The following ZBP1 variants were observed in gnomAD, a reference collection of about 807,000 sequenced individuals.
ZBP1 encodes the protein Z-DNA binding protein 1, also known as Z-DNA-binding protein 1.
ZBP1 carries 42 observed loss-of-function variants against 41.1 expected under a neutral mutation model. The observed-to-expected ratio is 1.02, with a 90% CI of 0.80 to 1.32. The LOEUF is 1.32. Among genes scored for constraint, ZBP1 ranks in the 40% most tolerant of loss-of-function variants. ZBP1 has a pLI of 0.00. For synonymous variants in ZBP1, 214 were observed against 205.2 expected (o/e 1.04, Z -0.37); for missense variants, 562 against 549.7 (o/e 1.02, Z -0.22).
Position 57,611,873 on chromosome 20 carries a change from C to G in ZBP1, c.728G>C (p.Gly243Ala), listed in dbSNP as rs1380547825. Residue 243 changes from glycine (G) to alanine (A), a missense_variant, in exon 6 of 8, where the codon GGG (glycine) becomes GCG (alanine). Physicochemically the swap from Gly to Ala is moderately conservative, Grantham distance 60 (BLOSUM62 0). Coordinates refer to ENST00000371173, the MANE Select transcript of ZBP1 (RefSeq NM_030776.3). Reference protein sequence around the residue: ...SMAPGDSSTWGTLVDPWGPQD... With the variant: ...SMAPGDSSTWATLVDPWGPQD... The stretch of plus-strand genomic sequence containing the variant: ...GGGCCCCCAGGGATCAACTAGGGTC[C>G]CCCAAGTTGAGGAATCACCTGGTGC... 9.5e-6 allele frequency: 15 copies of G among 1,580,872 alleles called. No individual in the cohort carries two copies. Among genetic ancestry groups the G allele is most frequent in the Non-Finnish European group, 1.3e-5 (15 of 1,163,068 alleles).
At chr20:57,616,068 A>T in intron 2 of ZBP1, 176 bp downstream of exon 2, 1 of 661,794 alleles carries the variant, frequency 1.5e-6, no homozygotes, top group Non-Finnish European at 2.6e-6. Flanking sequence ...AACCCCTACC[A>T]AGCAGCCCTG....
chr20:57,606,768 A>G (rs1311882732), intron 7 of ZBP1, among the ~76,000 whole-genome samples: 3 of 152,234 alleles, frequency 2.0e-5, no homozygotes, highest in African/African-American at 7.2e-5. Flanking sequence ...GCACCTGTAT[A>G]TAGCTTGGTT....
intron 3 of ZBP1, 85 bp downstream of exon 3, chr20:57,615,427 G>C: frequency 2.1e-6 from 3 of 1,449,092 alleles, no homozygotes; most frequent in Non-Finnish European, 2.9e-6. Flanking sequence ...ACACTGGTGA[G>C]ATCTTGTACC....
In ZBP1 at chr20:57,610,020, G is replaced by T. The variant is rs994274928; in HGVS notation, c.1093+129C>A. 1.9e-6 allele frequency: 2 copies of T among 1,044,838 alleles called. No homozygotes were observed. The highest frequency in any genetic ancestry group is 2.1e-5 in the Admixed American group (1 of 46,788). The allele number at this position is 1,044,838 out of a possible 1,614,324, so 64.7% of individuals were successfully genotyped here. A position where few individuals can be genotyped will look rare whatever the true frequency, so the allele number is the denominator to read the frequency against. ...TCTAGAGCTGCTGCTCCTCGCTGTG[G>T]GTGGGCACAGCCTCCAGACTCCGGG... On this transcript the variant is annotated intron_variant, in intron 7 of 7. Transcript: ENST00000371173. The surrounding 1 kb of genome is among the most constrained non-coding windows in gnomAD (Gnocchi z 5.5).
chr20:57,607,176 C>T (rs945211242), intron 7 of ZBP1: 12 of 1,304,012 alleles, frequency 9.2e-6, no homozygotes, highest in South Asian at 1.2e-5. Context: ...ATCTACATGC[C>T]GTTAAGAACA....
intron 2 of ZBP1, 24 bp from the exon 3 acceptor site, chr20:57,615,604 A>T (rs1346578078): frequency 6.2e-7 from 1 of 1,607,154 alleles, no homozygotes; most frequent in Non-Finnish European, 8.5e-7. Context: ...GATGGGTCAG[A>T]GGGGTGGGGG....
chr20:57,613,396 T>C lies in ZBP1; in HGVS notation c.503-66A>G. 6.5e-7 allele frequency: 1 copy of C among 1,532,638 alleles called. No homozygotes were observed. Among genetic ancestry groups the C allele is most frequent in the Non-Finnish European group, 8.9e-7 (1 of 1,128,290 alleles). 94.9% of individuals were successfully genotyped at this position (1,532,638 alleles called of 1,614,324 possible). A position where few individuals can be genotyped will look rare whatever the true frequency, so the allele number is the denominator to read the frequency against. On this transcript the variant is annotated intron_variant, in intron 4 of 7. Coordinates refer to ENST00000371173, the MANE Select transcript of ZBP1 (RefSeq NM_030776.3). The surrounding 1 kb of genome is among the most constrained non-coding windows in gnomAD (Gnocchi z 4.5). ...ATGGGTCAGGGGTTCCCAATACCAG[T>C]CGGCAGCACCAAATTCTCCTGGGGA...
rs1035915372 is a variant in ZBP1, at chr20:57,613,053, C to T, written c.670+110G>A. On this transcript the variant is annotated intron_variant, in intron 5 of 7. Transcript: ENST00000371173. This position sits in a 1 kb window ranked among gnomAD's most constrained non-coding sequence, Gnocchi z 4.5. Reference sequence around the variant, plus strand: ...TGGGGGTCTGGAAGCAACCCTTTCCCCTTGGAGGGCAGAATCCCCCCACTC... The same window carrying T: ...TGGGGGTCTGGAAGCAACCCTTTCCTCTTGGAGGGCAGAATCCCCCCACTC... The T allele has an allele frequency of 5.8e-6, 9 of 1,545,964 alleles. No homozygotes were observed. Among genetic ancestry groups the T allele is most frequent in the Non-Finnish European group, 7.9e-6 (9 of 1,145,164 alleles).
rs764564931 is a variant in ZBP1, at chr20:57,604,378, T to C, written c.*195A>G. On this transcript the variant is annotated 3_prime_UTR_variant, in exon 8 of 8. Coordinates refer to ENST00000371173, the MANE Select transcript of ZBP1 (RefSeq NM_030776.3). ...TTCCCCAAGGCAACTCCCTGTCATC[T>C]ACTCCTGGCCATCAAAAGACCTGGC... 2.3e-5 allele frequency: 17 copies of C among 726,704 alleles called. No individual in the cohort carries two copies. Among genetic ancestry groups the C allele is most frequent in the South Asian group, 8.9e-5 (6 of 67,706 alleles). The allele number at this position is 726,704 out of a possible 1,614,324, so 45.0% of individuals were successfully genotyped here.
chr20:57,613,034 T>G lies in ZBP1; in HGVS notation c.670+129A>C. On this transcript the variant is annotated intron_variant, in intron 5 of 7. Coordinates refer to ENST00000371173, the MANE Select transcript of ZBP1 (RefSeq NM_030776.3). This position sits in a 1 kb window ranked among gnomAD's most constrained non-coding sequence, Gnocchi z 4.5. ...CGGCCGTAAAGGTGGACTGTGGGGG[T>G]CTGGAAGCAACCCTTTCCCCTTGGA... The G allele has an allele frequency of 6.6e-7, 1 of 1,521,476 alleles. No homozygotes were observed. 94.2% of individuals were successfully genotyped at this position (1,521,476 alleles called of 1,614,324 possible).
At chr20:57,605,462 C>T (rs2070471345) in intron 7 of ZBP1, among the ~76,000 whole-genome samples, 1 of 152,110 alleles carries the variant, frequency 6.6e-6, no homozygotes. Context: ...TTTGATGTTG[C>T]TATTATAATT....
chr20:57,617,694 C>CAA (rs11484408), intron 1 of ZBP1: 10 of 151,648 alleles, frequency 6.6e-5, no homozygotes, highest in South Asian at 2.1e-4. Flanking sequence ...CCCATCTCTA[C>CAA]AAAAAAAGAG....
chr20:57,614,796 G>A (rs1419216544), intron 4 of ZBP1, 91 bp downstream of exon 4: 48 of 1,512,946 alleles, frequency 3.2e-5, no homozygotes, highest in Middle Eastern at 2.0e-4. Flanking sequence ...AGCAGTTTCC[G>A]GTGAGCTGCT....
In ZBP1 at chr20:57,610,601, C is replaced by A. The variant is rs2070637952; in HGVS notation, c.875-234G>T. ...CCACTGATCCCGCAGTGGGTCTGCC[C>A]CACTGATCCCGCCCGGCTGATCTGG... is the stretch of plus-strand genomic sequence containing the variant. On this transcript the variant is annotated intron_variant, in intron 6 of 7. Transcript: ENST00000371173. This position sits in a 1 kb window ranked among gnomAD's most constrained non-coding sequence, Gnocchi z 5.5. The A allele has an allele frequency of 6.8e-5, 40 of 584,460 alleles. No individual in the cohort carries two copies. The South Asian group carries it at 7.9e-4, about 11-fold the overall frequency. The allele number at this position is 584,460 out of a possible 1,614,324, so 36.2% of individuals were successfully genotyped here.
chr20:57,603,980 C>G lies in ZBP1; in HGVS notation c.*593G>C, dbSNP rs1440529413. 8 of 182,060 alleles carry G rather than the reference C, an allele frequency of 4.4e-5. No homozygotes were observed. Among genetic ancestry groups the G allele is most frequent in the Admixed American group, 6.3e-5 (1 of 15,980 alleles). 11.3% of individuals were successfully genotyped at this position (182,060 alleles called of 1,614,324 possible). ...CCTCCCGGGTTCACACCATTCTCCTCCCTCAGCCTCCGGAGTAGCTGGGAC... is the reference window on the plus strand; with the variant it reads ...CCTCCCGGGTTCACACCATTCTCCTGCCTCAGCCTCCGGAGTAGCTGGGAC... On this transcript the variant is annotated 3_prime_UTR_variant, in exon 8 of 8. Transcript: ENST00000371173. This position sits in a 1 kb window ranked among gnomAD's most constrained non-coding sequence, Gnocchi z 4.6.
intron 6 of ZBP1, 93 bp downstream of exon 6, chr20:57,611,632 CAT>C (rs1254231755): frequency 7.5e-7 from 1 of 1,336,180 alleles, no homozygotes; most frequent in Non-Finnish European, 1.0e-6. Context: ...AATTTCCCAT[CAT>C]GCTTCTCTTC....
intron 5 of ZBP1, chr20:57,612,825 A>C: frequency 1.0e-6 from 1 of 989,446 alleles, no homozygotes; most frequent in Non-Finnish European, 1.3e-6. Flanking sequence ...GTTGTTTCTC[A>C]TGAAAAACAC....
At chr20:57,612,627 C>T (rs2070703971) in intron 5 of ZBP1, among the ~76,000 whole-genome samples, 1 of 152,204 alleles carries the variant, frequency 6.6e-6, no homozygotes, top group Non-Finnish European at 1.5e-5. Flanking sequence ...CCTCTTGCCA[C>T]AGTGCCCGGC....
In ZBP1 at chr20:57,610,616, G is replaced by A. The variant is rs554661914; in HGVS notation, c.875-249C>T. On this transcript the variant is annotated intron_variant, in intron 6 of 7. Transcript: ENST00000371173. The surrounding 1 kb of genome is among the most constrained non-coding windows in gnomAD (Gnocchi z 5.5). The stretch of plus-strand genomic sequence containing the variant: ...TGGGTCTGCCCCACTGATCCCGCCC[G>A]GCTGATCTGGACGTCAGTGTCTTCC... The A allele has an allele frequency of 2.1e-4, 117 of 566,656 alleles. 2 individuals carry two copies. Among genetic ancestry groups the A allele is most frequent in the South Asian group, 1.0e-3 (49 of 48,514 alleles). The allele number at this position is 566,656 out of a possible 1,614,324, so 35.1% of individuals were successfully genotyped here.
Sources: allele counts gnomAD v4.1 joint callset (sites outside exome capture counted in the v4.1 genomes callset), GRCh38; gene constraint gnomAD v4.1.1; non-coding constraint Gnocchi (gnomAD v3.1); transcripts MANE v1.5; gene names NCBI Gene and HGNC (gene_info 2026-07-23, HGNC 2026-07-21).